The following GPM6A variants were observed in gnomAD, a reference collection of about 807,000 sequenced individuals.
GPM6A encodes the protein neuronal membrane glycoprotein M6-a.
In GPM6A, 7 loss-of-function variants were observed where a neutral mutation model predicts 32.1. That is an observed-to-expected ratio of 0.22 (90% confidence interval 0.12 to 0.41). The LOEUF is 0.41. GPM6A is among the 10% of genes least tolerant of loss of function. The pLI, the probability that GPM6A is intolerant of heterozygous loss-of-function variation, is 1.00. For missense variants in GPM6A, 235 were observed against 347.2 expected (o/e 0.68, Z 2.57); for synonymous variants, 130 against 123.4 (o/e 1.05, Z -0.35).
chr4:175,943,760 T>C (rs796284298), intron 1 of GPM6A, among the ~76,000 whole-genome samples: 61 of 152,290 alleles, frequency 4.0e-4, no homozygotes, highest in African/African-American at 1.4e-3. Context: ...AGCTTTTTGA[T>C]GTGCTGCTGG....
At chr4:175,871,127 A>C (rs1736892251) in intron 1 of GPM6A, among the ~76,000 whole-genome samples, 2 of 151,676 alleles carry the variant, frequency 1.3e-5, no homozygotes, top group Admixed American at 1.3e-4. Context: ...CTTTATCTTT[A>C]CCTTGAGCAA....
At chr4:175,879,378 G>A (rs1353270946) in intron 1 of GPM6A, among the ~76,000 whole-genome samples, 1 of 152,152 alleles carries the variant, frequency 6.6e-6, no homozygotes, top group Non-Finnish European at 1.5e-5. Flanking sequence ...CCAAGACTGT[G>A]TAATTTATAA....
intron 1 of GPM6A, among the ~76,000 whole-genome samples, chr4:175,704,605 T>C (rs988646542): frequency 3.3e-5 from 5 of 152,156 alleles, no homozygotes; most frequent in Non-Finnish European, 5.9e-5. Flanking sequence ...AAAAAATTAG[T>C]GCCAGCCCAA....
chr4:175,948,711 G>A (rs1486315906), intron 1 of GPM6A, among the ~76,000 whole-genome samples: 5 of 151,780 alleles, frequency 3.3e-5, no homozygotes, highest in African/African-American at 1.2e-4. Flanking sequence ...GAAGTGAGAA[G>A]AATTATAATT....
At chr4:175,817,754 A>T (rs1470183792) in intron 1 of GPM6A, among the ~76,000 whole-genome samples, 3 of 152,238 alleles carry the variant, frequency 2.0e-5, no homozygotes, top group Non-Finnish European at 2.9e-5. Context: ...GAGAACATGT[A>T]ATAGACTAAC....
chr4:175,850,095 T>G (rs1191682008), intron 1 of GPM6A, among the ~76,000 whole-genome samples: 1 of 152,168 alleles, frequency 6.6e-6, no homozygotes, highest in Non-Finnish European at 1.5e-5. Flanking sequence ...AAAGGAAAGA[T>G]GTGAAGAGAC....
chr4:175,707,446 C>T (rs889190550), intron 1 of GPM6A, among the ~76,000 whole-genome samples: 12 of 152,190 alleles, frequency 7.9e-5, no homozygotes, highest in African/African-American at 2.9e-4. Flanking sequence ...TGTCTGATTA[C>T]ACAAATTAAC....
upstream of GPM6A, chr4:175,812,298 G>GTGAAACT: frequency 5.7e-6 from 1 of 174,204 alleles, no homozygotes; most frequent in Admixed American, 2.9e-4. Flanking sequence ...GGAAAAACTG[G>GTGAAACT]GGGTTTTTTT....
rs1274803966 is a variant in GPM6A, at chr4:175,757,357, T to C, written c.37+54834A>G. Among the ~76,000 whole-genome samples, 6 of 152,242 alleles carry C rather than the reference T, an allele frequency of 3.9e-5. No individual in the cohort carries two copies. The East Asian group carries it at 1.2e-3, about 29-fold the overall frequency. On this transcript the variant is annotated intron_variant, in intron 1 of 6. Coordinates refer to ENST00000393658, the MANE Select transcript of GPM6A (RefSeq NM_201591.3). ...GAACTGCCTATGACTACAGCCACCA[T>C]TCACATTTTATTTCAGTCTCATTAA...
chr4:175,674,731 T>C (rs1041850622), intron 2 of GPM6A, among the ~76,000 whole-genome samples: 33 of 151,466 alleles, frequency 2.2e-4, no homozygotes, highest in African/African-American at 6.8e-4. Flanking sequence ...ATAATGCGAA[T>C]AATGAAAAGA....
intron 1 of GPM6A, among the ~76,000 whole-genome samples, chr4:175,994,525 TA>T (rs920123711): frequency 6.6e-6 from 1 of 151,938 alleles, no homozygotes; most frequent in African/African-American, 2.4e-5. Context: ...GCATTATGTC[TA>T]AAAAAAACCC....
chr4:175,696,287 T>C (rs1744574223), intron 2 of GPM6A, among the ~76,000 whole-genome samples: 1 of 152,200 alleles, frequency 6.6e-6, no homozygotes, highest in African/African-American at 2.4e-5. Flanking sequence ...AGAGGTTAAG[T>C]AACTTTTCCA....
chr4:175,688,221 A>G (rs1033129984), intron 2 of GPM6A, among the ~76,000 whole-genome samples: 3 of 151,912 alleles, frequency 2.0e-5, no homozygotes, highest in Non-Finnish European at 4.4e-5. Flanking sequence ...CTTGTCTATT[A>G]TTTTTGCTTT....
At chr4:175,949,665 A>C (rs1433063067) in intron 1 of GPM6A, among the ~76,000 whole-genome samples, 1 of 152,160 alleles carries the variant, frequency 6.6e-6, no homozygotes, top group Non-Finnish European at 1.5e-5. Flanking sequence ...AGATTCCTTC[A>C]AATCAGTAAA....
rs139267594 is a variant in GPM6A at position 175,873,131 on chromosome 4, A to T, written c.-22-60882T>A. ...GATAGATATGTTAATTTTCAGATGT[A>T]ATGAAGGACAATGTGTGTTTTTTTC... On this transcript the variant is annotated intron_variant, in intron 1 of 7. Transcript: ENST00000280187. Among the ~76,000 whole-genome samples, 593 of 152,228 alleles carry T rather than the reference A, an allele frequency of 3.9e-3. 1 individual carries two copies. Among genetic ancestry groups the T allele is most frequent in the Admixed American group, 7.3e-3 (112 of 15,278 alleles).
At chr4:175,914,580 C>T (rs1341148387) in intron 1 of GPM6A, among the ~76,000 whole-genome samples, 1 of 152,196 alleles carries the variant, frequency 6.6e-6, no homozygotes, top group East Asian at 1.9e-4. Context: ...GCCTTGGCCT[C>T]CCAAAGTGCT....
intron 1 of GPM6A, among the ~76,000 whole-genome samples, chr4:175,923,360 G>C (rs1738730731): frequency 6.8e-6 from 1 of 147,862 alleles, no homozygotes; most frequent in Non-Finnish European, 1.5e-5. Context: ...TGAATTTAGA[G>C]TTCAAGTTCT....
At chr4:175,861,749 G>GAAAAAAAAAAAAAAAAAAAAAAA (rs10716525) in intron 1 of GPM6A, among the ~76,000 whole-genome samples, 1 of 87,242 alleles carries the variant, frequency 1.1e-5, no homozygotes, top group African/African-American at 4.5e-5. Context: ...AAGAGACTCT[G>GAAAAAAAAAAAAAAAAAAAAAAA]AAAAAAAAAA....
At chr4:175,683,014 G>T (rs1743773787) in intron 2 of GPM6A, among the ~76,000 whole-genome samples, 2 of 152,268 alleles carry the variant, frequency 1.3e-5, no homozygotes, top group Non-Finnish European at 2.9e-5. Flanking sequence ...TGGATCCACT[G>T]GTAGCTTGCA....
Sources: allele counts gnomAD v4.1 joint callset (sites outside exome capture counted in the v4.1 genomes callset), GRCh38; gene constraint gnomAD v4.1.1; transcripts MANE v1.5; gene names NCBI Gene and HGNC (gene_info 2026-07-23, HGNC 2026-07-21).